The following GALE variants were observed in gnomAD, a reference collection of about 807,000 sequenced individuals.
The protein encoded by GALE is UDP-glucose 4-epimerase.
GALE carries 32 observed loss-of-function variants against 44.1 expected under a neutral mutation model. The ratio of observed to expected loss-of-function variants is 0.73; its 90% CI spans 0.55 to 0.97. The LOEUF is 0.97. Ranked by LOEUF, GALE falls within the 50% of genes least tolerant of loss-of-function variation. The pLI is 0.00. For synonymous variants in GALE, 182 were observed against 183.5 expected, an observed-to-expected ratio of 0.99 and a Z score of 0.06; for missense variants, 423 against 455.6, an observed-to-expected ratio of 0.93 and a Z score of 0.65.
chr1:23,796,365 C>T lies in GALE; in HGVS notation c.874-100G>A. On this transcript the variant is annotated intron_variant, in intron 10 of 11. Coordinates refer to ENST00000617979, the MANE Select transcript of GALE (RefSeq NM_001008216.2). This position sits in a 1 kb window ranked among gnomAD's most constrained non-coding sequence, Gnocchi z 5.2. ...GAAGTGCAGAGCAGCGGCTGGCCCG[C>T]AGGCACCGGGTGCTAGGCAGGCTGA... 6.9e-7 allele frequency: 1 copy of T among 1,447,870 alleles called. No homozygotes were observed. Among genetic ancestry groups the T allele is most frequent in the Non-Finnish European group, 9.7e-7 (1 of 1,032,828 alleles). 89.7% of individuals were successfully genotyped at this position (1,447,870 alleles called of 1,614,324 possible).
In GALE at chr1:23,797,815, G is replaced by A. The variant is rs727503943; in HGVS notation, c.408C>T (p.Tyr136=). The stretch of plus-strand genomic sequence containing the variant: ...CAAGGGGCAGGTACTGGGGGTTCCC[G>A]TACACAGTGGCTGAGCTGCTGAACA... ...NLVFSSSATV[Y]GNPQYLPLDE... Residue 136 remains tyrosine (Y), a synonymous_variant, in exon 6 of 12, where the codon TAC becomes TAT. Transcript: ENST00000617979. 6.8e-6 allele frequency: 11 copies of A among 1,614,072 alleles called. No individual in the cohort carries two copies. Among genetic ancestry groups the A allele is most frequent in the Admixed American group, 3.3e-5 (2 of 60,002 alleles).
chr1:23,797,865 T>C lies in GALE; in HGVS notation c.358A>G (p.Lys120Glu), dbSNP rs1482754499. Reference protein sequence around the residue: ...TGTIQLLEIMKAHGVKNLVFS... With the variant: ...TGTIQLLEIMEAHGVKNLVFS... ...ACCAGGTTCTTCACCCCGTGGGCCTTCATGATCTGGCCGTGGAGAGATGGC... is the reference window on the plus strand; with the variant it reads ...ACCAGGTTCTTCACCCCGTGGGCCTCCATGATCTGGCCGTGGAGAGATGGC... The change falls in exon 6 of 12, where the codon AAG becomes GAG. Residue 120 changes from lysine (K) to glutamate (E), a missense_variant. Lys to Glu is a moderately conservative substitution (Grantham distance 56). Coordinates refer to ENST00000617979, the MANE Select transcript of GALE (RefSeq NM_001008216.2). The C allele has an allele frequency of 1.2e-6, 2 of 1,614,196 alleles. No individual in the cohort carries two copies. The highest frequency in any genetic ancestry group is 3.3e-5 in the Admixed American group (2 of 60,034).
In GALE at chr1:23,796,163, G is replaced by A; in HGVS notation, c.976C>T (p.Leu326=). The stretch of plus-strand genomic sequence containing the variant: ...GGCCAGCACTCACACATCCTGTCCA[G>A]CCCTAAGGCTGCTGTCCACCCCAGC... ...EELGWTAALG[L]DRMCEDLWRW... The change falls in exon 11 of 12, where the codon CTG becomes TTG. Residue 326 remains leucine (L), a synonymous_variant. Coordinates refer to ENST00000617979, the MANE Select transcript of GALE (RefSeq NM_001008216.2). This position sits in a 1 kb window ranked among gnomAD's most constrained non-coding sequence, Gnocchi z 5.2. 16 of 1,613,658 alleles carry A rather than the reference G, an allele frequency of 9.9e-6. No individual in the cohort carries two copies. The highest frequency in any genetic ancestry group is 1.4e-5 in the Non-Finnish European group (16 of 1,179,630).
chr1:23,797,206 C>T, intron 6 of GALE, 59 bp from the exon 7 acceptor site: 4 of 1,196,712 alleles, frequency 3.3e-6, no homozygotes, highest in African/African-American at 1.5e-5. Flanking sequence ...CCCAGCTGAA[C>T]CCAGAGCCCT....
rs375869125 is a variant in GALE, at chr1:23,796,869, G to C, written c.709+7C>G. On this transcript the variant is annotated splice_region_variant and intron_variant, in intron 8 of 11. Coordinates refer to ENST00000617979, the MANE Select transcript of GALE (RefSeq NM_001008216.2). The surrounding 1 kb of genome is among the most constrained non-coding windows in gnomAD (Gnocchi z 5.2). ...CCACTCCTAGGTCCCCCTGGTCCTA[G>C]GCTCACCTGTGCCATCCTCTGTGTC... The C allele has an allele frequency of 6.2e-6, 10 of 1,613,096 alleles. No individual in the cohort carries two copies. In the African/African-American group the frequency reaches 1.3e-4, roughly 22 times the overall value.
At chr1:23,800,212 C>T (rs2148413625) in intron 1 of GALE, 1 of 152,684 alleles carries the variant, frequency 6.5e-6, no homozygotes, top group East Asian at 1.9e-4. Flanking sequence ...GCCCGGCCCT[C>T]TCCCCAGGCG....
chr1:23,798,197 GC>G lies in GALE; in HGVS notation c.270del (p.Leu91SerfsTer19). 6.2e-7 allele frequency: 1 copy of G among 1,614,016 alleles called. No individual in the cohort carries two copies. The highest frequency in any genetic ancestry group is 8.5e-7 in the Non-Finnish European group (1 of 1,179,994). ...YSFMAVIHFA[G>X]LKAVGESVQK... The stretch of plus-strand genomic sequence containing the variant: ...TGCACCGACTCGCCCACGGCCTTGA[GC>G]CCCGCAAAGTGGATGACCGCCATAA... On this transcript the variant is annotated frameshift_variant, in exon 5 of 12. Transcript: ENST00000617979. LOFTEE classifies it high-confidence loss of function. This position sits in a 1 kb window ranked among gnomAD's most constrained non-coding sequence, Gnocchi z 4.5.
In GALE at chr1:23,798,564, C is replaced by T. The variant is rs1403762660; in HGVS notation, c.237+51G>A. 1 of 1,367,368 alleles carries T rather than the reference C, an allele frequency of 7.3e-7. No individual in the cohort carries two copies. 84.7% of individuals were successfully genotyped at this position (1,367,368 alleles called of 1,614,324 possible). On this transcript the variant is annotated intron_variant, in intron 4 of 11. Coordinates refer to ENST00000617979, the MANE Select transcript of GALE (RefSeq NM_001008216.2). This position sits in a 1 kb window ranked among gnomAD's most constrained non-coding sequence, Gnocchi z 4.5. ...CAAGTGATCTCCTCACCTCGGCCTT[C>T]CAAAGTGCTGGAATTACAGGCGTGA...
Position 23,797,793 on chromosome 1 carries a change from G to A in GALE, c.430C>T (p.Leu144Phe), listed in dbSNP as rs751858713. 11 of 1,614,050 alleles carry A rather than the reference G, an allele frequency of 6.8e-6. No individual in the cohort carries two copies. Among genetic ancestry groups the A allele is most frequent in the Non-Finnish European group, 8.5e-6 (10 of 1,180,008 alleles). Reference sequence around the variant, plus strand: ...CCACCCGTGGGGTGGGCCTCATCAAGGGGCAGGTACTGGGGGTTCCCGTAC... The same window carrying A: ...CCACCCGTGGGGTGGGCCTCATCAAAGGGCAGGTACTGGGGGTTCCCGTAC... Reference protein sequence around the residue: ...TVYGNPQYLPLDEAHPTGGCT... With the variant: ...TVYGNPQYLPFDEAHPTGGCT... The change falls in exon 6 of 12, where the codon CTT becomes TTT. Residue 144 changes from leucine (L) to phenylalanine (F), a missense_variant. Coordinates refer to ENST00000617979, the MANE Select transcript of GALE (RefSeq NM_001008216.2).
rs1440969236 is a variant in GALE, at chr1:23,798,791, G to A, written c.122-61C>T. On this transcript the variant is annotated intron_variant, in intron 3 of 11. Coordinates refer to ENST00000617979, the MANE Select transcript of GALE (RefSeq NM_001008216.2). The surrounding 1 kb of genome is among the most constrained non-coding windows in gnomAD (Gnocchi z 4.5). ...TGGGGTGCTGTGTTCCCAGGGACTA[G>A]CCAGACACACATTCCCCGCCCGGTG... 1.2e-6 allele frequency: 2 copies of A among 1,607,544 alleles called. No homozygotes were observed. The highest frequency in any genetic ancestry group is 8.5e-7 in the Non-Finnish European group (1 of 1,174,044).
intron 2 of GALE, 102 bp downstream of exon 2, chr1:23,799,264 C>G: frequency 1.9e-6 from 1 of 530,652 alleles, no homozygotes; most frequent in Non-Finnish European, 3.4e-6. Flanking sequence ...GTATAAACTT[C>G]ATGAGGCAGC....
chr1:23,796,427 G>A lies in GALE; in HGVS notation c.873+82C>T. On this transcript the variant is annotated intron_variant, in intron 10 of 11. Transcript: ENST00000617979. The surrounding 1 kb of genome is among the most constrained non-coding windows in gnomAD (Gnocchi z 5.2). ...AGTGCCAGGTACCCTCCAGAGAGGT[G>A]AGTGGGAAGGGCCAAAGCTGCTCTG... 2.0e-6 allele frequency: 3 copies of A among 1,504,934 alleles called. No homozygotes were observed. The highest frequency in any genetic ancestry group is 2.8e-6 in the Non-Finnish European group (3 of 1,087,018). The allele number at this position is 1,504,934 out of a possible 1,614,324, so 93.2% of individuals were successfully genotyped here.
Position 23,799,249 on chromosome 1 carries a change from T to A in GALE, c.-6+117A>T, listed in dbSNP as rs564942593. Reference sequence around the variant, plus strand: ...TTCTATCTCTGTAAAACAGAGCTAATAATTGTATAAACTTCATGAGGCAGC... The same window carrying A: ...TTCTATCTCTGTAAAACAGAGCTAAAAATTGTATAAACTTCATGAGGCAGC... On this transcript the variant is annotated intron_variant, in intron 2 of 11. Transcript: ENST00000617979. 1.3e-3 allele frequency: 761 copies of A among 573,116 alleles called. 10 individuals are homozygous for A. The highest frequency in any genetic ancestry group is 1.1e-3 in the Admixed American group (38 of 33,366). The allele number at this position is 573,116 out of a possible 1,614,324, so 35.5% of individuals were successfully genotyped here.
chr1:23,796,661 T>C lies in GALE; in HGVS notation c.795+36A>G. The C allele has an allele frequency of 6.2e-7, 1 of 1,613,790 alleles. No individual in the cohort carries two copies. Among genetic ancestry groups the C allele is most frequent in the Non-Finnish European group, 8.5e-7 (1 of 1,179,874 alleles). On this transcript the variant is annotated intron_variant, in intron 9 of 11. Coordinates refer to ENST00000617979, the MANE Select transcript of GALE (RefSeq NM_001008216.2). This position sits in a 1 kb window ranked among gnomAD's most constrained non-coding sequence, Gnocchi z 5.2. ...TCTGGGCCGCTCTGCCTGGATCTGG[T>C]CCCTCCCCTCCCTCACTTCTCCCTT...
rs746016184 is a variant in GALE at position 23,796,126 on chromosome 1, C to G, written c.988+25G>C. 1.2e-6 allele frequency: 2 copies of G among 1,601,710 alleles called. No individual in the cohort carries two copies. Among genetic ancestry groups the G allele is most frequent in the East Asian group, 4.5e-5 (2 of 44,834 alleles). On this transcript the variant is annotated intron_variant, in intron 11 of 11. Coordinates refer to ENST00000617979, the MANE Select transcript of GALE (RefSeq NM_001008216.2). The surrounding 1 kb of genome is among the most constrained non-coding windows in gnomAD (Gnocchi z 5.2). ...GATTTAGCCCCTCCCTGGCCCCTAA[C>G]TGCAGGGGTCAGGCCAGCACTCACA...
chr1:23,800,554 G>C (rs1463677235), intron 1 of GALE, 158 bp downstream of exon 1: 1 of 152,424 alleles, frequency 6.6e-6, no homozygotes, highest in African/African-American at 2.4e-5. Flanking sequence ...AACCCCGGCC[G>C]CCCCAGCCCG....
In GALE at chr1:23,797,679, T is replaced by G. The variant is rs1408158694; in HGVS notation, c.528+16A>C. 6.2e-7 allele frequency: 1 copy of G among 1,613,422 alleles called. No homozygotes were observed. The highest frequency in any genetic ancestry group is 8.5e-7 in the Non-Finnish European group (1 of 1,179,562). ...ATCGATCAGTGGAGCCAGGGCACTGTCAAGGGGGCCCTCACCTTGTCTGCC... is the reference window on the plus strand; with the variant it reads ...ATCGATCAGTGGAGCCAGGGCACTGGCAAGGGGGCCCTCACCTTGTCTGCC... On this transcript the variant is annotated intron_variant, in intron 6 of 11. Transcript: ENST00000617979.
chr1:23,796,399 G>C lies in GALE; in HGVS notation c.873+110C>G. The C allele has an allele frequency of 7.0e-7, 1 of 1,426,610 alleles. No individual in the cohort carries two copies. Among genetic ancestry groups the C allele is most frequent in the African/African-American group, 1.4e-5 (1 of 71,328 alleles). 88.4% of individuals were successfully genotyped at this position (1,426,610 alleles called of 1,614,324 possible). On this transcript the variant is annotated intron_variant, in intron 10 of 11. Coordinates refer to ENST00000617979, the MANE Select transcript of GALE (RefSeq NM_001008216.2). This position sits in a 1 kb window ranked among gnomAD's most constrained non-coding sequence, Gnocchi z 5.2. The stretch of plus-strand genomic sequence containing the variant: ...GGTGCTAGGCAGGCTGAGGAGACTG[G>C]GCAGTGCCAGGTACCCTCCAGAGAG...
chr1:23,800,253 ACT>A (rs1639086371), intron 1 of GALE: 1 of 150,974 alleles, frequency 6.6e-6, no homozygotes. Context: ...TGCCCGCTGG[ACT>A]CTGCCCGCCG....
Sources: allele counts gnomAD v4.1 joint callset, GRCh38; gene constraint gnomAD v4.1.1; non-coding constraint Gnocchi (gnomAD v3.1); transcripts MANE v1.5; gene names NCBI Gene and HGNC (gene_info 2026-07-23, HGNC 2026-07-21).